The following WWOX variants were observed in gnomAD, a reference collection of about 807,000 sequenced individuals.
The protein encoded by WWOX is WW domain containing oxidoreductase, also known as WW domain-containing oxidoreductase.
Under a neutral mutation model 46.2 loss-of-function variants are expected in WWOX, and 69 were observed. That is an observed-to-expected ratio of 1.49 (90% CI 1.23 to 1.82). The LOEUF is 1.82. Ranked by LOEUF, WWOX falls within the 40% of genes most tolerant of loss-of-function variation. The pLI is 0.00. For synonymous variants in WWOX, 359 were observed against 202.6 expected, an observed-to-expected ratio of 1.77 and a Z score of -6.56; for missense variants, 919 against 542.6, an observed-to-expected ratio of 1.69 and a Z score of -6.89.
intron 5 of WWOX, among the ~76,000 whole-genome samples, chr16:78,333,998 C>G (rs1164033172): frequency 6.6e-6 from 1 of 152,130 alleles, no homozygotes; most frequent in Non-Finnish European, 1.5e-5. Flanking sequence ...GCCTGAGTTC[C>G]TTTTGTGAAG....
chr16:78,383,834 C>T (rs1013975578), intron 5 of WWOX, among the ~76,000 whole-genome samples: 2 of 152,132 alleles, frequency 1.3e-5, no homozygotes, highest in Non-Finnish European at 2.9e-5. Flanking sequence ...AATCACTATC[C>T]CCAGGAGCCT....
At chr16:78,578,282 A>ATTTTTTTTTTTTTTTT (rs1227489730) in intron 8 of WWOX, among the ~76,000 whole-genome samples, 4 of 34,206 alleles carry the variant, frequency 1.2e-4, no homozygotes, top group African/African-American at 4.2e-4. Flanking sequence ...ATATATATAT[A>ATTTTTTTTTTTTTTTT]TATTTTTTTT....
intron 5 of WWOX, among the ~76,000 whole-genome samples, chr16:78,249,808 A>C (rs907563182): frequency 6.6e-6 from 1 of 152,056 alleles, no homozygotes; most frequent in Non-Finnish European, 1.5e-5. Context: ...ACATTCCACA[A>C]ACATTTAATA....
chr16:79,081,178 T>C (rs1255599114), intron 8 of WWOX, among the ~76,000 whole-genome samples: 3 of 152,172 alleles, frequency 2.0e-5, no homozygotes, highest in Non-Finnish European at 4.4e-5. Flanking sequence ...GTCTATGTTT[T>C]CTTGAGACAA....
intron 5 of WWOX, among the ~76,000 whole-genome samples, chr16:78,254,566 A>C (rs1349777165): frequency 8.3e-6 from 1 of 120,884 alleles, no homozygotes; most frequent in Non-Finnish European, 1.6e-5. Context: ...TATGCAATGG[A>C]GCAATCTCAG....
chr16:79,117,678 T>C (rs572996457), intron 8 of WWOX, among the ~76,000 whole-genome samples: 1 of 152,374 alleles, frequency 6.6e-6, no homozygotes, highest in East Asian at 1.9e-4. Flanking sequence ...CTTAGTGGTC[T>C]TATCTAGATC....
intron 8 of WWOX, among the ~76,000 whole-genome samples, chr16:78,919,852 A>G (rs1000112694): frequency 2.6e-5 from 4 of 152,282 alleles, no homozygotes; most frequent in African/African-American, 9.6e-5. Context: ...TCCTGGAGAC[A>G]CAGTGTGTGC....
chr16:79,124,869 A>G (rs1431088201), intron 8 of WWOX, among the ~76,000 whole-genome samples: 1 of 152,206 alleles, frequency 6.6e-6, no homozygotes, highest in Non-Finnish European at 1.5e-5. Flanking sequence ...GTTTGCAAAG[A>G]CATCTTGCCA....
intron 5 of WWOX, among the ~76,000 whole-genome samples, chr16:78,379,973 T>C (rs1003764150): frequency 1.3e-5 from 2 of 152,198 alleles, no homozygotes; most frequent in Non-Finnish European, 2.9e-5. Context: ...GGAAAACGCA[T>C]TCATCTTTAG....
At chr16:78,681,797 G>A (rs1567487115) in intron 8 of WWOX, among the ~76,000 whole-genome samples, 1 of 152,192 alleles carries the variant, frequency 6.6e-6, no homozygotes, top group Non-Finnish European at 1.5e-5. Flanking sequence ...TTTGGCCTTG[G>A]AAAGTTACTC....
At chr16:78,952,226 C>G (rs1474345456) in intron 8 of WWOX, among the ~76,000 whole-genome samples, 1 of 152,112 alleles carries the variant, frequency 6.6e-6, no homozygotes, top group South Asian at 2.1e-4. Context: ...TACTTTGCCT[C>G]TACTCAGTCT....
At chr16:78,944,781 G>T (rs2045918390) in intron 8 of WWOX, among the ~76,000 whole-genome samples, 1 of 152,156 alleles carries the variant, frequency 6.6e-6, no homozygotes, top group South Asian at 2.1e-4. Context: ...AAGTGAGCAT[G>T]GCCCTGTAAG....
At chr16:78,670,782 G>A (rs1325661695) in intron 8 of WWOX, among the ~76,000 whole-genome samples, 1 of 152,032 alleles carries the variant, frequency 6.6e-6, no homozygotes, top group Non-Finnish European at 1.5e-5. Flanking sequence ...AAAGTGCTGG[G>A]ATTACAGACA....
At chr16:78,856,978 G>A (rs138308593) in intron 8 of WWOX, among the ~76,000 whole-genome samples, 36 of 152,310 alleles carry the variant, frequency 2.4e-4, no homozygotes, top group Middle Eastern at 3.4e-3. Flanking sequence ...TTTCTGTCCT[G>A]AATACTGTAG....
intron 8 of WWOX, among the ~76,000 whole-genome samples, chr16:79,160,736 G>A (rs1216222114): frequency 6.6e-6 from 1 of 152,160 alleles, no homozygotes; most frequent in Non-Finnish European, 1.5e-5. Context: ...AATGGGAACA[G>A]TAGTAATGGT....
At chr16:78,422,732 C>T (rs1212530598) in intron 6 of WWOX, among the ~76,000 whole-genome samples, 95 of 81,062 alleles carry the variant, frequency 1.2e-3, no homozygotes, top group African/African-American at 9.6e-3. Context: ...TATATATATA[C>T]ACACACATAT....
chr16:78,140,929 G>A (rs1329319380), intron 4 of WWOX, among the ~76,000 whole-genome samples: 1 of 152,172 alleles, frequency 6.6e-6, no homozygotes, highest in East Asian at 1.9e-4. Context: ...GAAAGAAATA[G>A]GTATTTCCTG....
At chr16:79,076,621 C>T (rs2048662417) in intron 8 of WWOX, among the ~76,000 whole-genome samples, 1 of 152,202 alleles carries the variant, frequency 6.6e-6, no homozygotes, top group Admixed American at 6.5e-5. Context: ...GTGATTCTAT[C>T]TGTACCTACC....
intron 8 of WWOX, among the ~76,000 whole-genome samples, chr16:78,625,693 A>T (rs2548862): frequency 0.49 from 73,349 of 150,510 alleles, 20,094 homozygotes; most frequent in Middle Eastern, 0.63. Context: ...GTTGGTGCAA[A>T]AGTAAATGTG....
Sources: allele counts gnomAD v4.1 joint callset (sites outside exome capture counted in the v4.1 genomes callset), GRCh38; gene constraint gnomAD v4.1.1; transcripts MANE v1.5; gene names NCBI Gene and HGNC (gene_info 2026-07-23, HGNC 2026-07-21).